Variants in CACNA2D4 observed in about 807,000 individuals in gnomAD.
CACNA2D4 encodes voltage-dependent calcium channel subunit alpha-2/delta-4.
A neutral mutation model predicts 163.8 loss-of-function variants in CACNA2D4; 157 were observed. That is an observed-to-expected ratio of 0.96 (90% confidence interval 0.84 to 1.09). The LOEUF (loss-of-function observed/expected upper bound fraction) is 1.09, where lower values mean the gene tolerates loss of function less well. Ranked by LOEUF, CACNA2D4 falls within the 50% of genes least tolerant of loss-of-function variation. The probability of loss-of-function intolerance (pLI) is 0.00; values close to 1 mark genes in which losing one functional copy is unlikely to be tolerated. For missense variants in CACNA2D4, 1,410 were observed against 1,479.9 expected (o/e 0.95, Z 0.78); for synonymous variants, 598 against 586.9 (o/e 1.02, Z -0.27).
Position 1,801,320 on chromosome 12 carries a change from T to C in CACNA2D4, c.2793-202A>G, listed in dbSNP as rs575011713. Among the ~76,000 whole-genome samples the C allele has an allele frequency of 1.3e-4, 20 of 152,316 alleles. No homozygotes were observed. The South Asian group carries it at 4.1e-3, about 32-fold the overall frequency. On this transcript the variant is annotated intron_variant, in intron 30 of 37. Transcript: ENST00000382722. ...TTAAAGACAATGAAGAGCAAATGGC[T>C]TTTGCCCTCGGAGTTGGACGGTTTT...
chr12:1,903,444 G>T (rs1301843241), intron 6 of CACNA2D4, among the ~76,000 whole-genome samples: 2 of 151,702 alleles, frequency 1.3e-5, no homozygotes, highest in African/African-American at 4.8e-5. Flanking sequence ...CAGAATGGGA[G>T]AAAATATTTG....
At chr12:1,915,000 G>A (rs1026067795) in intron 1 of CACNA2D4, 65 bp from the exon 2 acceptor site, 34 of 1,173,602 alleles carry the variant, frequency 2.9e-5, no homozygotes, top group Admixed American at 8.5e-5. Flanking sequence ...AAACACACGC[G>A]TAGACATATG....
rs1865855298 is a variant in CACNA2D4 at position 1,875,107 on chromosome 12, G to A, written c.1806+144C>T. 6.3e-6 allele frequency: 4 copies of A among 639,806 alleles called. No homozygotes were observed. The Admixed American group carries it at 1.1e-4, about 17-fold the overall frequency. The allele number at this position is 639,806 out of a possible 1,614,324, so 39.6% of individuals were successfully genotyped here. ...ATTGCTCATTTTAGGCATTGCTTGT[G>A]GCTTGAGCTTGGAAAGGCTCTGGGA... On this transcript the variant is annotated intron_variant, in intron 17 of 37. Coordinates refer to ENST00000382722, the MANE Select transcript of CACNA2D4 (RefSeq NM_172364.5). This position sits in a 1 kb window ranked among gnomAD's most constrained non-coding sequence, Gnocchi z 4.0.
At position 1,886,247 on chromosome 12, in the gene CACNA2D4, CT is replaced by C; in HGVS notation, c.968del (p.Glu323GlyfsTer8). The C allele has an allele frequency of 1.9e-6, 3 of 1,613,464 alleles. No homozygotes were observed. Among genetic ancestry groups the C allele is most frequent in the Non-Finnish European group, 2.5e-6 (3 of 1,179,414 alleles). On this transcript the variant is annotated frameshift_variant, in exon 8 of 38. Transcript: ENST00000382722. LOFTEE classifies it high-confidence loss of function. ...CCGCTATGATATTAATGAAGTCATT[CT>C]CCCCCAGGGTGTCCAAGATGGTGGT... is the stretch of plus-strand genomic sequence containing the variant. The part of the protein sequence containing the change: ...TITTILDTLG[E>X]NDFINIIAYN...
In CACNA2D4 at chr12:1,798,431, C is replaced by T. The variant is rs75559213; in HGVS notation, c.2996-896G>A. ...TCTCCCCAGCTTCCAAATCCAGAAG[C>T]TCCCAGCCAGAGCTGGAAACCCAGA... On this transcript the variant is annotated intron_variant, in intron 34 of 37. Transcript: ENST00000382722. The surrounding 1 kb of genome is among the most constrained non-coding windows in gnomAD (Gnocchi z 4.3). 6.1e-3 allele frequency among the ~76,000 whole-genome samples: 931 copies of T among 152,290 alleles called. 9 individuals carry two copies. Among genetic ancestry groups the T allele is most frequent in the African/African-American group, 0.021 (879 of 41,558 alleles).
At position 1,885,157 on chromosome 12, in the gene CACNA2D4, G is replaced by T. The variant is rs1410999588; in HGVS notation, c.1069-81C>A. ...TTCATGTTTGGTGTTAATTTGGGAG[G>T]CTGTTTAGGGCCATCCAGAAGGACA... On this transcript the variant is annotated intron_variant, in intron 9 of 37. Coordinates refer to ENST00000382722, the MANE Select transcript of CACNA2D4 (RefSeq NM_172364.5). 5.5e-6 allele frequency: 6 copies of T among 1,084,572 alleles called. No homozygotes were observed. In the African/African-American group the frequency reaches 7.7e-5, roughly 14 times the overall value. The allele number at this position is 1,084,572 out of a possible 1,614,324, so 67.2% of individuals were successfully genotyped here.
At chr12:1,888,498 G>T (rs1866204374) in intron 6 of CACNA2D4, among the ~76,000 whole-genome samples, 1 of 152,182 alleles carries the variant, frequency 6.6e-6, no homozygotes, top group Non-Finnish European at 1.5e-5. Flanking sequence ...AAGAATTACA[G>T]ATGTTGGAAT....
intron 26 of CACNA2D4, among the ~76,000 whole-genome samples, chr12:1,815,173 T>A (rs781254626): frequency 6.6e-6 from 1 of 152,226 alleles, no homozygotes; most frequent in Non-Finnish European, 1.5e-5. Context: ...ACTACAGGCG[T>A]GAGTCATTAT....
At chr12:1,795,893 A>T in intron 35 of CACNA2D4, 113 bp from the exon 36 acceptor site, 1 of 753,542 alleles carries the variant, frequency 1.3e-6, no homozygotes, top group Non-Finnish European at 2.4e-6. Context: ...GGAAGCCCGG[A>T]ACCATGAGGC....
At chr12:1,813,265 C>A (rs1467790633) in intron 26 of CACNA2D4, among the ~76,000 whole-genome samples, 1 of 152,090 alleles carries the variant, frequency 6.6e-6, no homozygotes, top group Non-Finnish European at 1.5e-5. Flanking sequence ...TTGTTAGAAC[C>A]CCGCCCCCAG....
intron 6 of CACNA2D4, among the ~76,000 whole-genome samples, chr12:1,896,606 AACACACACACACACACACACACACAC>A (rs61535168): frequency 3.1e-5 from 4 of 130,720 alleles, no homozygotes; most frequent in Admixed American, 2.2e-4. Context: ...GCTATTAATA[AACACACACACACACACACACACACAC>A]ACACACACAC....
At chr12:1,908,146 G>T in intron 4 of CACNA2D4, 109 bp from the exon 5 acceptor site, 2 of 1,169,992 alleles carry the variant, frequency 1.7e-6, no homozygotes, top group Non-Finnish European at 2.4e-6. Context: ...GGGCCGGGCG[G>T]CCATCAGAGT....
At chr12:1,915,444 G>A (rs1207778647) in intron 1 of CACNA2D4, among the ~76,000 whole-genome samples, 5 of 152,216 alleles carry the variant, frequency 3.3e-5, no homozygotes, top group South Asian at 4.1e-4. Context: ...GGCCAGGGCC[G>A]GAGGACCCTG....
At chr12:1,907,694 GT>G (rs1391270110) in intron 5 of CACNA2D4, 123 bp from the exon 6 acceptor site, 2 of 1,184,656 alleles carry the variant, frequency 1.7e-6, no homozygotes, top group African/African-American at 3.0e-5. Context: ...CCTGGTGGGT[GT>G]GCCTGGTGGG....
At chr12:1,879,061 G>A in intron 14 of CACNA2D4, 25 bp from the exon 15 acceptor site, 1 of 1,600,140 alleles carries the variant, frequency 6.2e-7, no homozygotes, top group Non-Finnish European at 8.6e-7. Context: ...ACAAGGGGTG[G>A]GGGAGACCCA....
At chr12:1,873,262 C>T (rs1322762849) in intron 18 of CACNA2D4, among the ~76,000 whole-genome samples, 1 of 152,236 alleles carries the variant, frequency 6.6e-6, no homozygotes, top group Admixed American at 6.5e-5. Context: ...CCTCATTGAA[C>T]GTTCTTTATG....
chr12:1,852,704 T>C (rs1865311184), intron 23 of CACNA2D4, among the ~76,000 whole-genome samples: 1 of 152,150 alleles, frequency 6.6e-6, no homozygotes, highest in Admixed American at 6.5e-5. Flanking sequence ...CACTGACTAA[T>C]CTCTGAGGTT....
In CACNA2D4 at chr12:1,843,501, T is replaced by C. The variant is rs930222772; in HGVS notation, c.2470+901A>G. On this transcript the variant is annotated intron_variant, in intron 25 of 37. Coordinates refer to ENST00000382722, the MANE Select transcript of CACNA2D4 (RefSeq NM_172364.5). The surrounding 1 kb of genome is among the most constrained non-coding windows in gnomAD (Gnocchi z 4.6). The stretch of plus-strand genomic sequence containing the variant: ...TGCCTGTGCACACTCTCCAGGCCCC[T>C]GGATCCATGTGCTGGAATGGGATCA... Among the ~76,000 whole-genome samples the C allele has an allele frequency of 6.6e-6, 1 of 152,138 alleles. No individual in the cohort carries two copies. The highest frequency in any genetic ancestry group is 2.4e-5 in the African/African-American group (1 of 41,424).
chr12:1,817,845 T>C (rs1863929745), intron 26 of CACNA2D4, among the ~76,000 whole-genome samples: 1 of 151,914 alleles, frequency 6.6e-6, no homozygotes, highest in African/African-American at 2.4e-5. Context: ...AACCTCCACC[T>C]CCCAGCCGCC....
Sources: gnomAD v4.1 joint callset for allele counts (sites outside exome capture counted in the v4.1 genomes callset) on GRCh38, gnomAD v4.1.1 for gene constraint, Gnocchi (gnomAD v3.1) non-coding constraint, MANE v1.5 for transcripts, NCBI Gene and HGNC (gene_info 2026-07-23, HGNC 2026-07-21) for gene names.